BTN2A1: variants seen among roughly 807,000 people sequenced by gnomAD.
BTN2A1 encodes butyrophilin, subfamily 2, member A1.
BTN2A1 carries 41 observed loss-of-function variants against 34.5 expected under a neutral mutation model. The observed-to-expected ratio is 1.19, with a 90% CI of 0.93 to 1.54. The LOEUF (loss-of-function observed/expected upper bound fraction) is 1.54. Ranked by LOEUF, BTN2A1 falls within the 40% of genes most tolerant of loss-of-function variation. BTN2A1 has a pLI of 0.00. For missense variants in BTN2A1, 642 were observed against 662.0 expected, an observed-to-expected ratio of 0.97 and a Z score of 0.33; for synonymous variants, 267 against 258.6, an observed-to-expected ratio of 1.03 and a Z score of -0.31.
rs560181740 is a variant in BTN2A1 at position 26,465,261 on chromosome 6, C to A, written c.789C>A (p.Ala263=). The A allele has an allele frequency of 1.2e-6, 2 of 1,613,858 alleles. No homozygotes were observed. Among genetic ancestry groups the A allele is most frequent in the East Asian group, 4.5e-5 (2 of 44,892 alleles). Residue 263 remains alanine (A), a synonymous_variant, in exon 5 of 8, where the codon GCC becomes GCA. Coordinates refer to ENST00000312541, the MANE Select transcript of BTN2A1 (RefSeq NM_007049.5). ...TGGTTATTCTGATGATACCCATTGC[C>A]GTATGCATCTATTGGATCAACAAAC... The part of the protein sequence containing the change: ...IIVVILMIPI[A]VCIYWINKLQ...
chr6:26,475,081 T>C (rs1470061467), intron 7 of BTN2A1, among the ~76,000 whole-genome samples: 2 of 152,192 alleles, frequency 1.3e-5, no homozygotes, highest in African/African-American at 2.4e-5. Flanking sequence ...AAAAGACTCC[T>C]AAAATATCTC....
downstream of BTN2A1, among the ~76,000 whole-genome samples, chr6:26,471,649 AGAAG>A (rs1168494358): frequency 5.4e-5 from 8 of 147,990 alleles, no homozygotes; most frequent in Admixed American, 2.6e-4. Flanking sequence ...GAAAAGAGAG[AGAAG>A]GAAGGAAGGA....
At chr6:26,467,368 A>G (rs1183118817) in intron 7 of BTN2A1, among the ~76,000 whole-genome samples, 3 of 152,180 alleles carry the variant, frequency 2.0e-5, no homozygotes, top group African/African-American at 2.4e-5. Context: ...CTGGAGTGCC[A>G]TGGCACAATC....
intron 4 of BTN2A1, 132 bp downstream of exon 4, chr6:26,463,657 C>A: frequency 9.4e-7 from 1 of 1,060,776 alleles, no homozygotes; most frequent in Non-Finnish European, 1.4e-6. Context: ...GAGGCTGCAG[C>A]TGAGTGAAGC....
Position 26,468,538 on chromosome 6 carries a change from C to G in BTN2A1, c.1573C>G (p.Gln525Glu). The G allele has an allele frequency of 6.2e-7, 1 of 1,614,148 alleles. No individual in the cohort carries two copies. Among genetic ancestry groups the G allele is most frequent in the South Asian group, 1.1e-5 (1 of 91,084 alleles). Residue 525 changes from glutamine to glutamate, a missense_variant, in exon 8 of 8, where the codon CAG becomes GAG. By Grantham distance (29) the Gln-to-Glu change is conservative (BLOSUM62 2). Coordinates refer to ENST00000312541, the MANE Select transcript of BTN2A1 (RefSeq NM_007049.5). The stretch of plus-strand genomic sequence containing the variant: ...GACACTTCACAGAGTGGGGACCCAC[C>G]AGAGCCTATAGAATCAATTCCTTGG... Reference protein sequence around the residue: ...GLTLHRVGTHQSL With the variant: ...GLTLHRVGTHESL
chr6:26,473,853 G>A (rs1034939381), downstream of BTN2A1, among the ~76,000 whole-genome samples: 1 of 149,870 alleles, frequency 6.7e-6, no homozygotes, highest in Non-Finnish European at 1.5e-5. Flanking sequence ...TCGTCAATGT[G>A]TACAATTCAA....
chr6:26,467,133 C>T (rs994325022), intron 7 of BTN2A1, among the ~76,000 whole-genome samples: 1 of 152,122 alleles, frequency 6.6e-6, no homozygotes, highest in African/African-American at 2.4e-5. Context: ...GTAAAAGGAA[C>T]ACATAGGACC....
At chr6:26,467,776 C>T in intron 7 of BTN2A1, 172 bp from the exon 8 acceptor site, 1 of 1,570,842 alleles carries the variant, frequency 6.4e-7, no homozygotes, top group Non-Finnish European at 8.6e-7. Context: ...GACAGAAGTG[C>T]AGCTTCAGTA....
rs1763407088 is a variant in BTN2A1, at chr6:26,469,248, G to C, written c.*699G>C. The C allele has an allele frequency of 3.0e-6, 3 of 1,001,704 alleles. No individual in the cohort carries two copies. Among genetic ancestry groups the C allele is most frequent in the Non-Finnish European group, 3.6e-6 (3 of 839,004 alleles). The allele number at this position is 1,001,704 out of a possible 1,614,324, so 62.1% of individuals were successfully genotyped here. On this transcript the variant is annotated 3_prime_UTR_variant, in exon 8 of 8. Coordinates refer to ENST00000312541, the MANE Select transcript of BTN2A1 (RefSeq NM_007049.5). ...GGCAAGGAGTCAGTACTCAGTCCCT[G>C]AGTGTGGCTGAAATTTGAGGTCCTG...
At chr6:26,460,105 G>A (rs1763123359) in intron 3 of BTN2A1, among the ~76,000 whole-genome samples, 1 of 152,116 alleles carries the variant, frequency 6.6e-6, no homozygotes, top group Admixed American at 6.5e-5. Flanking sequence ...TCTCGGAAGA[G>A]AAGTCTTATA....
chr6:26,465,109 A>G, intron 4 of BTN2A1, 76 bp from the exon 5 acceptor site: 1 of 1,260,720 alleles, frequency 7.9e-7, no homozygotes, highest in Non-Finnish European at 1.1e-6. Context: ...GGAGCTCTTC[A>G]AGTGTGCTCC....
In BTN2A1 at chr6:26,468,317, G is replaced by T. The variant is rs3734543; in HGVS notation, c.1352G>T (p.Gly451Val). Residue 451 changes from glycine (G) to valine (V), a missense_variant, in exon 8 of 8, where the codon GGC (glycine) becomes GTC (valine). By Grantham distance (109) the Gly-to-Val change is moderately radical (BLOSUM62 -3). Transcript: ENST00000312541. ...LPLKESLCRV[G>V]VFLDYEAGDV... ...TTGAAGGAGTCCCTTTGCCGGGTGG[G>T]CGTCTTCCTGGACTATGAAGCTGGA... is the stretch of plus-strand genomic sequence containing the variant. 6.2e-7 allele frequency: 1 copy of T among 1,614,162 alleles called. No individual in the cohort carries two copies. The highest frequency in any genetic ancestry group is 8.5e-7 in the Non-Finnish European group (1 of 1,180,020).
chr6:26,465,097 G>A (rs144860801), intron 4 of BTN2A1, 88 bp from the exon 5 acceptor site: 1 of 1,075,990 alleles, frequency 9.3e-7, no homozygotes, highest in East Asian at 2.4e-5. Flanking sequence ...GCAGGTGGCT[G>A]AGGAGCTCTT....
chr6:26,467,681 G>T (rs1763351746), intron 7 of BTN2A1: 2 of 1,553,582 alleles, frequency 1.3e-6, no homozygotes, highest in South Asian at 1.2e-5. Context: ...AAGAATGATT[G>T]ATTTTACTTC....
intron 7 of BTN2A1, chr6:26,476,014 A>G (rs1581418077): frequency 1.1e-6 from 1 of 919,490 alleles, no homozygotes; most frequent in Non-Finnish European, 1.7e-6. Context: ...TAAATAACAT[A>G]TTATTATAGT....
Position 26,459,514 on chromosome 6 carries a change from T to C in BTN2A1, c.116T>C (p.Ile39Thr), listed in dbSNP as rs374687793. ...ATTGTCGTGGGGCCCACTGATCCCA[T>C]CTTGGCCACGGTTGGAGAAAACACT... ...QFIVVGPTDPILATVGENTTL... is the reference protein window; with the variant it reads ...QFIVVGPTDPTLATVGENTTL... The change falls in exon 3 of 8, where the codon ATC (isoleucine) becomes ACC (threonine). Residue 39 changes from isoleucine (I) to threonine (T), a missense_variant. Ile to Thr is a moderately conservative substitution (Grantham distance 89). Transcript: ENST00000312541. 2 of 1,613,816 alleles carry C rather than the reference T, an allele frequency of 1.2e-6. No homozygotes were observed. The highest frequency in any genetic ancestry group is 2.7e-5 in the African/African-American group (2 of 74,904).
At chr6:26,470,808 C>T (rs184261968), downstream of BTN2A1, among the ~76,000 whole-genome samples, 7 of 152,304 alleles carry the variant, frequency 4.6e-5, no homozygotes, top group East Asian at 5.8e-4. Flanking sequence ...GACTGAGTTA[C>T]GCCATCAGCT....
chr6:26,463,511 T>C lies in BTN2A1; in HGVS notation c.698T>C (p.Val233Ala). 1.2e-6 allele frequency: 2 copies of C among 1,613,712 alleles called. No individual in the cohort carries two copies. The highest frequency in any genetic ancestry group is 1.7e-6 in the Non-Finnish European group (2 of 1,179,730). Residue 233 changes from valine to alanine, a missense_variant, in exon 4 of 8, where the codon GTC becomes GCC. Transcript: ENST00000312541. Reference sequence around the variant, plus strand: ...CTGCTCGGCCAGAAGAAAGAAAGTGTCATTTTTATTCCAGGTTAGTTCTCT... The same window carrying C: ...CTGCTCGGCCAGAAGAAAGAAAGTGCCATTTTTATTCCAGGTTAGTTCTCT... ...NTLLGQKKES[V>A]IFIPESFMPS...
rs1207805500 is a variant in BTN2A1, at chr6:26,468,033, G to A, written c.1068G>A (p.Arg356=). Reference sequence around the variant, plus strand: ...GAAGTGTGAGAAGGTGCCCCTTCAGGCACCTAGGGGAGAGCGTGCCTGACA... The same window carrying A: ...GAAGTGTGAGAAGGTGCCCCTTCAGACACCTAGGGGAGAGCGTGCCTGACA... ...DRRSVRRCPF[R]HLGESVPDNP... is the part of the protein sequence containing the mutation. The change falls in exon 8 of 8, where the codon AGG becomes AGA. Residue 356 remains arginine (R), a synonymous_variant. Coordinates refer to ENST00000312541, the MANE Select transcript of BTN2A1 (RefSeq NM_007049.5). The A allele has an allele frequency of 6.2e-7, 1 of 1,614,202 alleles. No individual in the cohort carries two copies. Among genetic ancestry groups the A allele is most frequent in the South Asian group, 1.1e-5 (1 of 91,086 alleles).
Sources: allele counts gnomAD v4.1 joint callset (sites outside exome capture counted in the v4.1 genomes callset), GRCh38; gene constraint gnomAD v4.1.1; transcripts MANE v1.5; gene names NCBI Gene and HGNC (gene_info 2026-07-23, HGNC 2026-07-21).